ZNF106: variants seen among roughly 807,000 people sequenced by gnomAD.
ZNF106 encodes the protein zinc finger protein 106, also known as SH3-domain binding protein 3.
In ZNF106, 67 loss-of-function variants were observed where a neutral mutation model predicts 195.1. The observed-to-expected ratio is 0.34, with a 90% CI of 0.28 to 0.42. The LOEUF (loss-of-function observed/expected upper bound fraction) is 0.42, where lower values mean the gene tolerates loss of function less well. Ranked by LOEUF, ZNF106 falls within the 10% of genes least tolerant of loss-of-function variation. The pLI, the probability that ZNF106 is intolerant of heterozygous loss-of-function variation, is 1.00. For missense variants in ZNF106, 2,118 were observed against 2,304.5 expected, an observed-to-expected ratio of 0.92 and a Z score of 1.66; for synonymous variants, 784 against 818.6, an observed-to-expected ratio of 0.96 and a Z score of 0.72.
intron 2 of ZNF106, among the ~76,000 whole-genome samples, chr15:42,471,809 TGCATTTTTCACAA>T (rs1327731672): frequency 2.6e-5 from 4 of 152,244 alleles, no homozygotes; most frequent in Non-Finnish European, 4.4e-5. Context: ...TCTGCTGTGC[TGCATTTTTCACAA>T]GCATAGGCAT....
chr15:42,424,585 A>C (rs1471765874), intron 16 of ZNF106: 1 of 418,474 alleles, frequency 2.4e-6, no homozygotes, highest in Non-Finnish European at 4.3e-6. Context: ...TTTGGTGCTC[A>C]AGTGATTCTC....
intron 3 of ZNF106, among the ~76,000 whole-genome samples, chr15:42,461,093 T>C (rs954946041): frequency 7.9e-5 from 12 of 152,322 alleles, no homozygotes; most frequent in African/African-American, 2.9e-4. Context: ...GTTCTTTCTC[T>C]ATGTAGCCAC....
intron 12 of ZNF106, 70 bp downstream of exon 12, chr15:42,438,542 A>T (rs2055372920): frequency 7.3e-7 from 1 of 1,377,608 alleles, no homozygotes; most frequent in Admixed American, 1.9e-5. Context: ...AGTAGGTTTA[A>T]ATCCTGGCTT....
At chr15:42,437,109 G>A (rs1313758280) in intron 13 of ZNF106, 123 bp downstream of exon 13, 1 of 1,033,488 alleles carries the variant, frequency 9.7e-7, no homozygotes, top group Non-Finnish European at 1.4e-6. Context: ...TGCATCTAAA[G>A]TCAATCTCAG....
At chr15:42,420,717 AT>A (rs563004051) in intron 20 of ZNF106, among the ~76,000 whole-genome samples, 66 of 152,216 alleles carry the variant, frequency 4.3e-4, no homozygotes, top group African/African-American at 1.4e-3. Flanking sequence ...AAGACCTTAA[AT>A]TTTTTTTATT....
At chr15:42,432,097 A>C (rs1282084049) in intron 14 of ZNF106, among the ~76,000 whole-genome samples, 1 of 152,242 alleles carries the variant, frequency 6.6e-6, no homozygotes, top group African/African-American at 2.4e-5. Flanking sequence ...TAATTGTTAT[A>C]TCTTTCGGGT....
chr15:42,445,375 C>T (rs915985658), intron 7 of ZNF106, among the ~76,000 whole-genome samples: 1 of 152,244 alleles, frequency 6.6e-6, no homozygotes, highest in African/African-American at 2.4e-5. Flanking sequence ...AGACTGCTTG[C>T]ACTCTCTTTC....
chr15:42,459,383 G>A (rs985764827), intron 3 of ZNF106, among the ~76,000 whole-genome samples: 1 of 152,066 alleles, frequency 6.6e-6, no homozygotes, highest in African/African-American at 2.4e-5. Context: ...GGCTGAGGCA[G>A]GAGAATCGCT....
At position 42,422,516 on chromosome 15, in the gene ZNF106, A is replaced by G; in HGVS notation, c.5358T>C (p.Arg1786=). 6.2e-7 allele frequency: 1 copy of G among 1,613,172 alleles called. No individual in the cohort carries two copies. Among genetic ancestry groups the G allele is most frequent in the Non-Finnish European group, 8.5e-7 (1 of 1,179,858 alleles). ...MVTACLDKFV[R]VYELQSHDRL... is the part of the protein sequence containing the mutation. The stretch of plus-strand genomic sequence containing the variant: ...TAAATTCTACCTGTAATTCATAGAC[A>G]CGAACAAATTTATCCAGGCAAGCAG... Residue 1786 remains arginine (R), a synonymous_variant, in exon 18 of 22, where the codon CGT becomes CGC. Coordinates refer to ENST00000564754, the MANE Select transcript of ZNF106 (RefSeq NM_001366845.3).
At chr15:42,432,904 T>C (rs2055108808) in intron 14 of ZNF106, among the ~76,000 whole-genome samples, 1 of 152,128 alleles carries the variant, frequency 6.6e-6, no homozygotes, top group East Asian at 1.9e-4. Context: ...AGTGTGTCTC[T>C]TGTAGACAAC....
Position 42,450,968 on chromosome 15 carries a change from C to T in ZNF106, c.1304G>A (p.Gly435Glu), listed in dbSNP as rs565498477. The T allele has an allele frequency of 1.9e-6, 3 of 1,614,150 alleles. No individual in the cohort carries two copies. The South Asian group carries it at 3.3e-5, about 18-fold the overall frequency. ...AGAAGAGGCCTTGTGATTAAGAGAT[C>T]CAGTATGTATTTCTTTTTGTGTTTT... ...TQKTQKEIHT[G>E]SLNHKASSDS... The change falls in exon 5 of 22, where the codon GGA becomes GAA. Residue 435 changes from glycine to glutamate, a missense_variant. Gly to Glu is a moderately conservative substitution (Grantham distance 98). Transcript: ENST00000564754.
rs1232110013 is a variant in ZNF106 at position 42,415,600 on chromosome 15, G to A, written c.*1704C>T. The A allele has an allele frequency of 4.8e-6, 2 of 413,274 alleles. No homozygotes were observed. The highest frequency in any genetic ancestry group is 2.1e-5 in the African/African-American group (1 of 48,700). 25.6% of individuals were successfully genotyped at this position (413,274 alleles called of 1,614,324 possible). On this transcript the variant is annotated 3_prime_UTR_variant, in exon 22 of 22. Coordinates refer to ENST00000564754, the MANE Select transcript of ZNF106 (RefSeq NM_001366845.3). ...CCCGATAGCCTGAGGGAAGACATGT[G>A]AGTGGATATATGTGCACTAACAGGG...
chr15:42,436,611 G>C (rs1314447831), intron 13 of ZNF106, among the ~76,000 whole-genome samples: 1 of 152,030 alleles, frequency 6.6e-6, no homozygotes, highest in Admixed American at 6.6e-5. Flanking sequence ...AACATAATTA[G>C]TTTATTAACA....
chr15:42,451,541 C>G lies in ZNF106; in HGVS notation c.731G>C (p.Ser244Thr). Residue 244 changes from serine (S) to threonine (T), a missense_variant, in exon 5 of 22, where the codon AGT (serine) becomes ACT (threonine). Physicochemically the swap from Ser to Thr is moderately conservative, Grantham distance 58. Coordinates refer to ENST00000564754, the MANE Select transcript of ZNF106 (RefSeq NM_001366845.3). ...TACACTGGATTTCCAGTTTCCGTTA[C>G]TGTTGTTCATATGCCAACTGGAAAA... ...GGFSSWHMNN[S>T]NGNWKSSVRS... 1 of 1,614,222 alleles carries G rather than the reference C, an allele frequency of 6.2e-7. No individual in the cohort carries two copies. The highest frequency in any genetic ancestry group is 1.3e-5 in the African/African-American group (1 of 75,078).
intron 14 of ZNF106, among the ~76,000 whole-genome samples, chr15:42,431,197 T>C (rs951357492): frequency 6.6e-6 from 1 of 152,002 alleles, no homozygotes; most frequent in South Asian, 2.1e-4. Flanking sequence ...ATAAATGTCA[T>C]TGTGGTTAGA....
intron 3 of ZNF106, among the ~76,000 whole-genome samples, chr15:42,458,430 G>A (rs369142701): frequency 6.6e-6 from 1 of 150,618 alleles, no homozygotes. Context: ...AAAAAAGGCC[G>A]GGCTTGGTGG....
intron 6 of ZNF106, 62 bp from the exon 7 acceptor site, chr15:42,446,720 A>T: frequency 7.4e-7 from 1 of 1,360,158 alleles, no homozygotes; most frequent in East Asian, 2.4e-5. Flanking sequence ...CAAGAGGAGA[A>T]AAAGGAATCA....
Position 42,451,234 on chromosome 15 carries a change from G to A in ZNF106, c.1038C>T (p.Thr346=). 1 of 1,614,024 alleles carries A rather than the reference G, an allele frequency of 6.2e-7. No homozygotes were observed. The highest frequency in any genetic ancestry group is 1.7e-5 in the Admixed American group (1 of 59,986). ...AAGTAGCAGTGTCTGCTTGTTTAGTGGTTTGGCTTTCCAGCTGCTCAAAAT... is the reference window on the plus strand; with the variant it reads ...AAGTAGCAGTGTCTGCTTGTTTAGTAGTTTGGCTTTCCAGCTGCTCAAAAT... ...DFNFEQLESQ[T]TKQADTATSK... is the part of the protein sequence containing the mutation. The change falls in exon 5 of 22, where the codon ACC becomes ACT. Residue 346 remains threonine, a synonymous_variant. Coordinates refer to ENST00000564754, the MANE Select transcript of ZNF106 (RefSeq NM_001366845.3).
At chr15:42,452,623 T>A (rs1471513527) in intron 4 of ZNF106, among the ~76,000 whole-genome samples, 1 of 152,128 alleles carries the variant, frequency 6.6e-6, no homozygotes, top group Non-Finnish European at 1.5e-5. Flanking sequence ...CAATTATTAT[T>A]TTTGTATTAT....
Sources: allele counts gnomAD v4.1 joint callset (sites outside exome capture counted in the v4.1 genomes callset), GRCh38; gene constraint gnomAD v4.1.1; transcripts MANE v1.5; gene names NCBI Gene and HGNC (gene_info 2026-07-23, HGNC 2026-07-21).